The following EMC1 variants were observed in gnomAD, a reference collection of about 807,000 sequenced individuals.
EMC1 encodes KIAA0090.
EMC1 carries 103 observed loss-of-function variants against 128.8 expected under a neutral mutation model. That is an observed-to-expected ratio of 0.80 (90% CI 0.68 to 0.94). The LOEUF (loss-of-function observed/expected upper bound fraction) is 0.94. EMC1 is among the 40% of genes least tolerant of loss of function. The pLI is 0.00. For synonymous variants in EMC1, 442 were observed against 490.4 expected (o/e 0.90, Z 1.30); for missense variants, 1,083 against 1,250.6 (o/e 0.87, Z 2.02).
Position 19,219,621 on chromosome 1 carries a change from G to A in EMC1, c.2750C>T (p.Ser917Phe), listed in dbSNP as rs2093416054. Residue 917 changes from serine to phenylalanine, a missense_variant, in exon 22 of 23, where the codon TCT (serine) becomes TTT (phenylalanine). By Grantham distance (155) the Ser-to-Phe change is radical (BLOSUM62 -2). This residue lies in a region of EMC1 where 527 missense variants were observed against 644.1 expected (regional missense o/e 0.82). Coordinates refer to ENST00000477853, the MANE Select transcript of EMC1 (RefSeq NM_015047.3). ...ERFINYNQTV[S>F]RMRGIYTAPS... ...AGCTGTGTAGATACCTCGCATTCGAGAAACTGTCTGGTTATAGTTGATGAA... is the reference window on the plus strand; with the variant it reads ...AGCTGTGTAGATACCTCGCATTCGAAAAACTGTCTGGTTATAGTTGATGAA... 6.2e-7 allele frequency: 1 copy of A among 1,613,946 alleles called. No homozygotes were observed. The highest frequency in any genetic ancestry group is 1.3e-5 in the African/African-American group (1 of 74,884).
intron 21 of EMC1, chr1:19,220,135 A>G: frequency 5.7e-6 from 1 of 174,184 alleles, no homozygotes. Flanking sequence ...CTTCTCCAAA[A>G]CACACTCCTC....
chr1:19,223,298 T>C, intron 19 of EMC1, 98 bp downstream of exon 19: 2 of 1,135,334 alleles, frequency 1.8e-6, no homozygotes, highest in African/African-American at 1.5e-5. Context: ...GAATTTGAGA[T>C]CCTAAGAAAA....
At chr1:19,242,250 T>C in intron 5 of EMC1, 95 bp downstream of exon 5, 10 of 1,370,924 alleles carry the variant, frequency 7.3e-6, no homozygotes, top group Non-Finnish European at 1.0e-5. Flanking sequence ...GAGACAGGCC[T>C]GGGTTAAAGC....
At chr1:19,244,123 T>C in intron 2 of EMC1, 108 bp from the exon 3 acceptor site, 1 of 1,078,430 alleles carries the variant, frequency 9.3e-7, no homozygotes, top group Non-Finnish European at 1.4e-6. Context: ...CAATTTTATC[T>C]CGAGGGAGTG....
At chr1:19,230,992 G>C in intron 16 of EMC1, 29 bp from the exon 17 acceptor site, 2 of 1,611,632 alleles carry the variant, frequency 1.2e-6, no homozygotes, top group Non-Finnish European at 1.7e-6. Flanking sequence ...CCCAAGGAAA[G>C]AGTTAGGAAA....
intron 1 of EMC1, among the ~76,000 whole-genome samples, chr1:19,250,707 T>C (rs2093654899): frequency 6.6e-6 from 1 of 152,210 alleles, no homozygotes; most frequent in African/African-American, 2.4e-5. Flanking sequence ...TCATTCATTC[T>C]CACAAGTACT....
rs984136599 is a variant in EMC1, at chr1:19,217,825, G to A, written c.*1478C>T. 2 of 152,122 alleles carry A rather than the reference G, an allele frequency of 1.3e-5. No individual in the cohort carries two copies. Among genetic ancestry groups the A allele is most frequent in the Non-Finnish European group, 2.9e-5 (2 of 68,024 alleles). The allele number at this position is 152,122 out of a possible 1,614,324, so 9.4% of individuals were successfully genotyped here. A position where few individuals can be genotyped will look rare whatever the true frequency, so the allele number is the denominator to read the frequency against. ...GCCTGTTTTTTTCTGGAGATTCTTAGACATTCAGTCACTCAATATCAAACT... is the reference window on the plus strand; with the variant it reads ...GCCTGTTTTTTTCTGGAGATTCTTAAACATTCAGTCACTCAATATCAAACT... On this transcript the variant is annotated 3_prime_UTR_variant, in exon 23 of 23. Coordinates refer to ENST00000477853, the MANE Select transcript of EMC1 (RefSeq NM_015047.3).
Position 19,231,310 on chromosome 1 carries a change from A to T in EMC1, c.1895T>A (p.Met632Lys). 1.2e-6 allele frequency: 2 copies of T among 1,611,152 alleles called. No homozygotes were observed. The highest frequency in any genetic ancestry group is 1.7e-6 in the Non-Finnish European group (2 of 1,179,382). ...PILQSLLLPV[M>K]DQDYAKVLLL... ...CAACACCTTGGCGTAGTCTTGATCCATGACTGGGAGAAGCAAGGACTGCAA... is the reference window on the plus strand; with the variant it reads ...CAACACCTTGGCGTAGTCTTGATCCTTGACTGGGAGAAGCAAGGACTGCAA... The change falls in exon 16 of 23, where the codon ATG becomes AAG. Residue 632 changes from methionine (M) to lysine (K), a missense_variant. Physicochemically the swap from Met to Lys is moderately conservative, Grantham distance 95. Around this residue, in one of 3 missense-constraint regions of EMC1, gnomAD observed 527 missense variants for 644.1 expected, o/e 0.82. Coordinates refer to ENST00000477853, the MANE Select transcript of EMC1 (RefSeq NM_015047.3).
At chr1:19,248,007 G>GA (rs2093639433) in intron 1 of EMC1, among the ~76,000 whole-genome samples, 1 of 148,508 alleles carries the variant, frequency 6.7e-6, no homozygotes, top group South Asian at 2.2e-4. Flanking sequence ...CTGAGCGACA[G>GA]AGTAAGACTC....
chr1:19,243,804 T>C (rs2093619188), intron 3 of EMC1, 97 bp from the exon 4 acceptor site: 3 of 1,440,286 alleles, frequency 2.1e-6, no homozygotes, highest in Admixed American at 3.4e-5. Context: ...GATTTCTGGA[T>C]GCAAATACAT....
Position 19,219,318 on chromosome 1 carries a change from A to G in EMC1, c.2967T>C (p.Asn989=), listed in dbSNP as rs1478453612. 5 of 1,614,046 alleles carry G rather than the reference A, an allele frequency of 3.1e-6. No individual in the cohort carries two copies. Among genetic ancestry groups the G allele is most frequent in the Non-Finnish European group, 4.2e-6 (5 of 1,180,020 alleles). ...TKRLAQVKLL[N]RAWR The stretch of plus-strand genomic sequence containing the variant: ...TCTTTGTTCTTTATCGCCAGGCCCG[A>G]TTCAGGAGCTTCACCTGTGCCAGTC... The change falls in exon 23 of 23, where the codon AAT becomes AAC. Residue 989 remains asparagine (N), a synonymous_variant. Coordinates refer to ENST00000477853, the MANE Select transcript of EMC1 (RefSeq NM_015047.3).
At position 19,218,778 on chromosome 1, in the gene EMC1, C is replaced by A. The variant is rs2093409964; in HGVS notation, c.*525G>T. On this transcript the variant is annotated 3_prime_UTR_variant, in exon 23 of 23. Coordinates refer to ENST00000477853, the MANE Select transcript of EMC1 (RefSeq NM_015047.3). The stretch of plus-strand genomic sequence containing the variant: ...AGCCATGAGAGGCTGGATCAGTCCT[C>A]AAGCCTCAGCTAAGGATGGATCCTA... 6.4e-6 allele frequency: 1 copy of A among 155,984 alleles called. No individual in the cohort carries two copies. Among genetic ancestry groups the A allele is most frequent in the Admixed American group, 6.2e-5 (1 of 16,100 alleles). The allele number at this position is 155,984 out of a possible 1,614,324, so 9.7% of individuals were successfully genotyped here.
Position 19,242,454 on chromosome 1 carries a change from C to A in EMC1, c.400G>T (p.Val134Phe), listed in dbSNP as rs1171450971. 1.9e-6 allele frequency: 3 copies of A among 1,614,028 alleles called. No homozygotes were observed. The highest frequency in any genetic ancestry group is 3.3e-5 in the Admixed American group (2 of 60,002). Residue 134 changes from valine to phenylalanine, a missense_variant, in exon 5 of 23, where the codon GTT (valine) becomes TTT (phenylalanine). Around this residue, in one of 3 missense-constraint regions of EMC1, gnomAD observed 544 missense variants for 572.4 expected, o/e 0.95. Transcript: ENST00000477853. ...DSGSFQALGL[V>F]GLQESVRYIA... Reference sequence around the variant, plus strand: ...TACCTTACAGACTCCTGCAGGCCAACCAGCCCAAGTGCCTGGAAACTGAAC... The same window carrying A: ...TACCTTACAGACTCCTGCAGGCCAAACAGCCCAAGTGCCTGGAAACTGAAC...
chr1:19,220,140 C>T (rs2093420342), intron 21 of EMC1: 2 of 173,278 alleles, frequency 1.2e-5, no homozygotes, highest in South Asian at 2.9e-4. Flanking sequence ...CCAAAACACA[C>T]TCCTCTCCAT....
At chr1:19,249,790 G>A (rs2093648862) in intron 1 of EMC1, among the ~76,000 whole-genome samples, 1 of 151,904 alleles carries the variant, frequency 6.6e-6, no homozygotes, top group African/African-American at 2.4e-5. Context: ...GGAGAGGTGT[G>A]CACCAGTAGT....
At chr1:19,232,273 GA>G (rs1371811907) in intron 15 of EMC1, among the ~76,000 whole-genome samples, 16 of 152,172 alleles carry the variant, frequency 1.1e-4, no homozygotes, top group African/African-American at 3.9e-4. Context: ...ATGCTAGAAT[GA>G]ATACACAAAA....
chr1:19,231,143 T>G, intron 16 of EMC1, 118 bp downstream of exon 16: 1 of 1,365,840 alleles, frequency 7.3e-7, no homozygotes, highest in Non-Finnish European at 1.0e-6. Flanking sequence ...GGGATGGCCT[T>G]AGAGCCCAAA....
At chr1:19,220,886 G>C in intron 20 of EMC1, 38 bp from the exon 21 acceptor site, 2 of 1,431,884 alleles carry the variant, frequency 1.4e-6, no homozygotes, top group Non-Finnish European at 1.9e-6. Context: ...CCGATCCAGT[G>C]TCCAGCAAGG....
In EMC1 at chr1:19,243,606, T is replaced by TC. The variant is rs780379840; in HGVS notation, c.380+7dup. On this transcript the variant is annotated splice_region_variant and intron_variant, in intron 4 of 22. Transcript: ENST00000477853. ...CTCAGTCAAGATAAAATCCAGTTTC[T>TC]CCCCTACCTGCCACTGTCCAGGGTT... 9 of 1,611,284 alleles carry TC rather than the reference T, an allele frequency of 5.6e-6. No individual in the cohort carries two copies. Among genetic ancestry groups the TC allele is most frequent in the Non-Finnish European group, 7.6e-6 (9 of 1,177,640 alleles).
Sources: allele counts gnomAD v4.1 joint callset (sites outside exome capture counted in the v4.1 genomes callset), GRCh38; gene constraint gnomAD v4.1.1; regional missense constraint gnomAD v4.1.1; transcripts MANE v1.5; gene names NCBI Gene and HGNC (gene_info 2026-07-23, HGNC 2026-07-21).